Variants in RARB observed in about 807,000 individuals in gnomAD.
RARB encodes the protein HBV-activated protein.
A neutral mutation model predicts 51.9 loss-of-function variants in RARB; 17 were observed. That is an observed-to-expected ratio of 0.33 (90% CI 0.22 to 0.49). RARB has a LOEUF of 0.49. Among genes scored for constraint, RARB ranks in the 20% least tolerant of loss-of-function variants. The probability of loss-of-function intolerance (pLI) is 0.99; values close to 1 mark genes in which losing one functional copy is unlikely to be tolerated. For missense variants in RARB, 369 were observed against 550.8 expected, an observed-to-expected ratio of 0.67 and a Z score of 3.30; for synonymous variants, 215 against 195.4, an observed-to-expected ratio of 1.10 and a Z score of -0.84.
intron 5 of RARB, among the ~76,000 whole-genome samples, chr3:25,228,989 A>G (rs1029585372): frequency 1.3e-5 from 2 of 152,218 alleles, no homozygotes; most frequent in African/African-American, 4.8e-5. Context: ...CCAGAACTCT[A>G]CAAGGATGTT....
At chr3:25,557,796 C>A (rs897457873) in intron 3 of RARB, among the ~76,000 whole-genome samples, 2 of 152,128 alleles carry the variant, frequency 1.3e-5, no homozygotes, top group African/African-American at 4.8e-5. Flanking sequence ...GTCTCCTTGG[C>A]CAAGTTCACA....
intron 2 of RARB, among the ~76,000 whole-genome samples, chr3:24,946,164 C>G (rs1575084901): frequency 1.3e-5 from 2 of 150,236 alleles, no homozygotes; most frequent in South Asian, 4.2e-4. Context: ...ACTCGGGAGA[C>G]TGAGGAAGGA....
At chr3:25,182,475 G>A (rs1263550577) in intron 5 of RARB, among the ~76,000 whole-genome samples, 1 of 152,152 alleles carries the variant, frequency 6.6e-6, no homozygotes, top group Non-Finnish European at 1.5e-5. Flanking sequence ...TTCATTTCTT[G>A]ATGTGTAGCC....
At chr3:25,009,880 G>T (rs117328732) in intron 2 of RARB, among the ~76,000 whole-genome samples, 1 of 152,086 alleles carries the variant, frequency 6.6e-6, no homozygotes, top group African/African-American at 2.4e-5. Flanking sequence ...CAGGAAGGAA[G>T]GGATAATTTA....
intron 1 of RARB, among the ~76,000 whole-genome samples, chr3:24,843,872 T>C (rs1324318785): frequency 6.6e-6 from 1 of 150,806 alleles, no homozygotes; most frequent in Admixed American, 6.6e-5. Context: ...CTTTTCACCA[T>C]TCTTTTGTTG....
chr3:25,242,801 G>A (rs1312226750), intron 5 of RARB, among the ~76,000 whole-genome samples: 1 of 151,962 alleles, frequency 6.6e-6, no homozygotes, highest in Non-Finnish European at 1.5e-5. Context: ...GCTCTTTTTT[G>A]GTTCCATATG....
intron 5 of RARB, among the ~76,000 whole-genome samples, chr3:25,398,632 C>G (rs1402677091): frequency 1.3e-5 from 2 of 152,124 alleles, no homozygotes; most frequent in African/African-American, 4.8e-5. Flanking sequence ...ATAAACCAAG[C>G]CCTGTTTCTT....
chr3:24,993,918 A>C (rs1297743650), intron 2 of RARB, among the ~76,000 whole-genome samples: 1 of 152,080 alleles, frequency 6.6e-6, no homozygotes, highest in Admixed American at 6.5e-5. Flanking sequence ...ATTGGACACT[A>C]GGTTGATTCC....
chr3:25,390,619 T>C (rs899763813), intron 5 of RARB, among the ~76,000 whole-genome samples: 4 of 152,214 alleles, frequency 2.6e-5, no homozygotes, highest in African/African-American at 7.2e-5. Context: ...TTTAAATATG[T>C]AGTGGAAATC....
At chr3:25,580,802 A>T (rs1701145105) in intron 5 of RARB, 80 bp downstream of exon 5, 1 of 1,403,776 alleles carries the variant, frequency 7.1e-7, no homozygotes, top group African/African-American at 1.4e-5. Context: ...ACCAAGAGAC[A>T]TTGAAGATCT....
Position 25,111,308 on chromosome 3 carries a change from C to T in RARB, c.-327-20853C>T, listed in dbSNP as rs533904090. Among the ~76,000 whole-genome samples the T allele has an allele frequency of 6.6e-5, 10 of 152,196 alleles. No homozygotes were observed. In the South Asian group the frequency reaches 1.9e-3, roughly 28 times the overall value. On this transcript the variant is annotated intron_variant, in intron 3 of 11. Coordinates refer to the RARB transcript ENST00000383772. ...AATATTTAATTTCAAAAATTAATTA[C>T]CAGCAGCTATTCTTAAGTTCTCTGC...
chr3:24,976,251 G>T (rs1323125883), intron 2 of RARB, among the ~76,000 whole-genome samples: 1 of 152,138 alleles, frequency 6.6e-6, no homozygotes, highest in Non-Finnish European at 1.5e-5. Flanking sequence ...TGTCTCTATA[G>T]TAGCAGGATT....
intron 5 of RARB, among the ~76,000 whole-genome samples, chr3:25,377,051 T>C (rs866824220): frequency 7.9e-5 from 12 of 152,212 alleles, no homozygotes; most frequent in South Asian, 4.1e-4. Context: ...TTAGTGTTTC[T>C]TGAGAAATAC....
intron 2 of RARB, among the ~76,000 whole-genome samples, chr3:24,912,796 T>C (rs1226345675): frequency 6.6e-6 from 1 of 152,106 alleles, no homozygotes; most frequent in East Asian, 1.9e-4. Flanking sequence ...AGAAAGAACC[T>C]GAATCTCAGT....
chr3:25,569,627 C>A, intron 3 of RARB, 131 bp from the exon 4 acceptor site: 1 of 1,084,794 alleles, frequency 9.2e-7, no homozygotes, highest in Non-Finnish European at 1.3e-6. Flanking sequence ...GTGTTATTAC[C>A]ACCTCTTCCC....
intron 4 of RARB, among the ~76,000 whole-genome samples, chr3:25,579,263 A>G (rs1314595831): frequency 6.6e-6 from 1 of 152,222 alleles, no homozygotes. Flanking sequence ...TTAAAGGTAT[A>G]GTTTGATGAG....
rs749228609 is a variant in RARB at position 25,492,755 on chromosome 3, G to T, written c.307-8427G>T. ...TTCTACGCATATTTTCAAAATTCAG[G>T]CTTTCTTTTCTAATAGTAAGTGTGC... On this transcript the variant is annotated intron_variant, in intron 2 of 7. Coordinates refer to ENST00000330688, the MANE Select transcript of RARB (RefSeq NM_000965.5). Among the ~76,000 whole-genome samples, 2 of 152,208 alleles carry T rather than the reference G, an allele frequency of 1.3e-5. 1 individual carries two copies. Among genetic ancestry groups the T allele is most frequent in the African/African-American group, 4.8e-5 (2 of 41,520 alleles).
chr3:24,896,427 T>A (rs1454939652), intron 2 of RARB, among the ~76,000 whole-genome samples: 1 of 152,002 alleles, frequency 6.6e-6, no homozygotes, highest in Non-Finnish European at 1.5e-5. Flanking sequence ...GTCCGGCTAA[T>A]TTTTTGTATT....
At chr3:25,079,893 G>T (rs1698957303) in intron 3 of RARB, among the ~76,000 whole-genome samples, 1 of 152,152 alleles carries the variant, frequency 6.6e-6, no homozygotes, top group African/African-American at 2.4e-5. Flanking sequence ...GTAATGAGTT[G>T]TAAAGGGTTT....
Sources: gnomAD v4.1 joint callset for allele counts (sites outside exome capture counted in the v4.1 genomes callset) on GRCh38, gnomAD v4.1.1 for gene constraint, MANE v1.5 for transcripts, NCBI Gene and HGNC (gene_info 2026-07-23, HGNC 2026-07-21) for gene names.